The following PCDH15 variants were observed in gnomAD, a reference collection of about 807,000 sequenced individuals.
PCDH15 encodes protocadherin-15.
PCDH15 carries 129 observed loss-of-function variants against 178.5 expected under a neutral mutation model. The observed-to-expected ratio is 0.72, with a 90% CI of 0.63 to 0.84. PCDH15 has a LOEUF of 0.84. Among genes scored for constraint, PCDH15 ranks in the 40% least tolerant of loss-of-function variants. The pLI is 0.00. For missense variants in PCDH15, 2,230 were observed against 2,099.9 expected (o/e 1.06, Z -1.21); for synonymous variants, 800 against 732.0 (o/e 1.09, Z -1.50).
Position 53,847,552 on chromosome 10 carries a change from C to A in PCDH15, c.3807-7056G>T, listed in dbSNP as rs191492653. On this transcript the variant is annotated intron_variant, in intron 28 of 37. Coordinates refer to ENST00000644397, the MANE Select transcript of PCDH15 (RefSeq NM_001384140.1). ...TTACATGGTAACCTCTCTGTGGTAT[C>A]CCACAAGATAAAAATATTTTCCTCT... Among the ~76,000 whole-genome samples, 36 of 152,116 alleles carry A rather than the reference C, an allele frequency of 2.4e-4. No homozygotes were observed. In the East Asian group the frequency reaches 6.6e-3, roughly 28 times the overall value.
intron 3 of PCDH15, among the ~76,000 whole-genome samples, chr10:54,495,571 C>A (rs1419596462): frequency 6.6e-6 from 1 of 152,040 alleles, no homozygotes; most frequent in Non-Finnish European, 1.5e-5. Flanking sequence ...GAGAAGAATG[C>A]CCTTGATAAT....
intron 1 of PCDH15, among the ~76,000 whole-genome samples, chr10:55,202,660 C>G (rs915000973): frequency 1.3e-5 from 2 of 152,120 alleles, no homozygotes; most frequent in African/African-American, 4.8e-5. Context: ...TGGTTTGGCT[C>G]TGTGTCCCCA....
chr10:54,813,616 T>G (rs1952901340), intron 3 of PCDH15, among the ~76,000 whole-genome samples: 1 of 152,180 alleles, frequency 6.6e-6, no homozygotes, highest in African/African-American at 2.4e-5. Flanking sequence ...TCATAAACAT[T>G]TCTCAGCTCT....
chr10:54,521,284 G>T (rs1021856619), intron 3 of PCDH15, among the ~76,000 whole-genome samples: 2 of 152,058 alleles, frequency 1.3e-5, no homozygotes, highest in African/African-American at 4.8e-5. Flanking sequence ...TCTGACTGTT[G>T]TCAATAAGAT....
intron 2 of PCDH15, among the ~76,000 whole-genome samples, chr10:55,078,779 C>T (rs1841970893): frequency 6.6e-6 from 1 of 151,898 alleles, no homozygotes; most frequent in African/African-American, 2.4e-5. Flanking sequence ...CACCCCCTTC[C>T]CAAACCCCCC....
chr10:55,222,730 C>CACACACACACACACAT, intron 1 of PCDH15, among the ~76,000 whole-genome samples: 24 of 121,256 alleles, frequency 2.0e-4, no homozygotes, highest in African/African-American at 5.8e-4. Flanking sequence ...CACACACACA[C>CACACACACACACACAT]ATATATATAT....
intron 13 of PCDH15, among the ~76,000 whole-genome samples, chr10:54,164,199 T>C (rs905013145): frequency 1.3e-5 from 2 of 152,188 alleles, no homozygotes; most frequent in Non-Finnish European, 2.9e-5. Flanking sequence ...ACTCTGGTAA[T>C]GTAAAATGTA....
chr10:54,314,209 T>C (rs2061088853), intron 8 of PCDH15, among the ~76,000 whole-genome samples: 1 of 152,012 alleles, frequency 6.6e-6, no homozygotes, highest in African/African-American at 2.4e-5. Context: ...TGAAAAAGAT[T>C]ATTATCAAGT....
chr10:55,512,226 G>A (rs187027197), intron 2 of PCDH15, among the ~76,000 whole-genome samples: 68 of 152,152 alleles, frequency 4.5e-4, no homozygotes, highest in African/African-American at 1.5e-3. Context: ...TTTGAGAATA[G>A]TTAAACCCTG....
chr10:55,364,963 T>TA (rs1357894276), intron 2 of PCDH15, among the ~76,000 whole-genome samples: 1 of 152,166 alleles, frequency 6.6e-6, no homozygotes, highest in African/African-American at 2.4e-5. Flanking sequence ...ATTGGTTCTT[T>TA]AAAAAAATTA....
chr10:54,763,101 A>G (rs919828866), intron 1 of PCDH15, among the ~76,000 whole-genome samples: 4 of 152,182 alleles, frequency 2.6e-5, no homozygotes, highest in African/African-American at 7.2e-5. Flanking sequence ...TCTTCTGGGT[A>G]ATAGGGAGGC....
intron 2 of PCDH15, among the ~76,000 whole-genome samples, chr10:55,101,435 TC>T (rs1842574566): frequency 6.6e-6 from 1 of 151,230 alleles, no homozygotes; most frequent in Non-Finnish European, 1.5e-5. Flanking sequence ...ACTCCTCTTA[TC>T]TAATAAATAT....
chr10:55,096,470 T>C (rs904713857), intron 2 of PCDH15, among the ~76,000 whole-genome samples: 4 of 152,180 alleles, frequency 2.6e-5, no homozygotes, highest in African/African-American at 4.8e-5. Flanking sequence ...TCACCTAATA[T>C]AGTTAGCTTT....
At chr10:54,575,999 A>G (rs1455984903) in intron 2 of PCDH15, among the ~76,000 whole-genome samples, 9 of 152,114 alleles carry the variant, frequency 5.9e-5, no homozygotes, top group East Asian at 5.8e-4. Context: ...GCCCTGGCCA[A>G]TGGCCAATTT....
intron 2 of PCDH15, among the ~76,000 whole-genome samples, chr10:55,538,142 A>G (rs1406756970): frequency 6.6e-6 from 1 of 152,188 alleles, no homozygotes; most frequent in Non-Finnish European, 1.5e-5. Flanking sequence ...GCAGGATCAC[A>G]GATGACATTC....
chr10:53,965,021 C>T (rs1589658928), intron 21 of PCDH15, among the ~76,000 whole-genome samples: 2 of 151,642 alleles, frequency 1.3e-5, no homozygotes, highest in Admixed American at 1.3e-4. Flanking sequence ...CATTTTCATA[C>T]CTACAATAAG....
intron 2 of PCDH15, among the ~76,000 whole-genome samples, chr10:55,445,694 G>C (rs897547156): frequency 3.9e-5 from 6 of 151,908 alleles, no homozygotes; most frequent in Non-Finnish European, 8.8e-5. Flanking sequence ...CTATTAAAAA[G>C]AATAAATGTT....
intron 2 of PCDH15, among the ~76,000 whole-genome samples, chr10:54,537,068 A>C (rs1781449): frequency 7.0e-6 from 1 of 141,928 alleles, no homozygotes; most frequent in Admixed American, 7.6e-5. Flanking sequence ...GTGCGATCTC[A>C]GCTCACTGCA....
intron 3 of PCDH15, among the ~76,000 whole-genome samples, chr10:54,495,234 ACT>A (rs932374820): frequency 6.6e-6 from 1 of 152,062 alleles, no homozygotes; most frequent in Non-Finnish European, 1.5e-5. Flanking sequence ...TATGTTAATA[ACT>A]CATCTGCAAA....
Sources: gnomAD v4.1 joint callset for allele counts (sites outside exome capture counted in the v4.1 genomes callset) on GRCh38, gnomAD v4.1.1 for gene constraint, MANE v1.5 for transcripts, NCBI Gene and HGNC (gene_info 2026-07-23, HGNC 2026-07-21) for gene names.